Variants in COL25A1 observed in about 807,000 individuals in gnomAD.
COL25A1 encodes the protein collagen type XXV alpha 1 chain, also known as collagen alpha-1(XXV) chain.
In COL25A1, 103 loss-of-function variants were observed where a neutral mutation model predicts 128.4. The ratio of observed to expected loss-of-function variants is 0.80; its 90% CI spans 0.68 to 0.94. COL25A1 has a LOEUF of 0.94. Ranked by LOEUF, COL25A1 falls within the 40% of genes least tolerant of loss-of-function variation. The probability of loss-of-function intolerance (pLI) is 0.00; values close to 1 mark genes in which losing one functional copy is unlikely to be tolerated. For synonymous variants in COL25A1, 279 were observed against 277.2 expected, an observed-to-expected ratio of 1.01 and a Z score of -0.06; for missense variants, 745 against 840.0, an observed-to-expected ratio of 0.89 and a Z score of 1.40.
intron 3 of COL25A1, among the ~76,000 whole-genome samples, chr4:109,174,313 C>A (rs1773864265): frequency 6.6e-6 from 1 of 152,046 alleles, no homozygotes. Context: ...AATGGCCAAA[C>A]TGAAGCTCCC....
chr4:109,072,850 T>C (rs1325258014), intron 3 of COL25A1, among the ~76,000 whole-genome samples: 1 of 152,180 alleles, frequency 6.6e-6, no homozygotes, highest in South Asian at 2.1e-4. Flanking sequence ...TGCATAACTC[T>C]ACAGGGGGCC....
rs772939205 is a variant in COL25A1, at chr4:108,841,719, T to C, written c.1632A>G (p.Gly544=). Residue 544 remains glycine (G), a splice_region_variant and synonymous_variant, in exon 31 of 38, where the codon GGA becomes GGG. Transcript: ENST00000399132. The stretch of plus-strand genomic sequence containing the variant: ...CCTTTGGTCCAGGAAGTCCATGAGG[T>C]CCCTGAAAATGGAAAACAGAGCTTT... ...PGPHGPPGPM[G]PHGLPGPKGT... 6.2e-7 allele frequency: 1 copy of C among 1,610,972 alleles called. No individual in the cohort carries two copies. The highest frequency in any genetic ancestry group is 8.5e-7 in the Non-Finnish European group (1 of 1,177,374).
chr4:109,273,361 T>G (rs1390229016), intron 3 of COL25A1, among the ~76,000 whole-genome samples: 1 of 152,174 alleles, frequency 6.6e-6, no homozygotes, highest in Non-Finnish European at 1.5e-5. Flanking sequence ...AATTGAACAT[T>G]TTAATGTACC....
intron 13 of COL25A1, among the ~76,000 whole-genome samples, chr4:108,905,531 A>G (rs962013754): frequency 5.3e-5 from 8 of 150,462 alleles, no homozygotes. Context: ...AAAAATAAAA[A>G]TAAAAATAAT....
chr4:108,813,770 G>C lies in COL25A1; in HGVS notation c.*157C>G, dbSNP rs1160588005. 4 of 593,374 alleles carry C rather than the reference G, an allele frequency of 6.7e-6. No homozygotes were observed. In the Admixed American group the frequency reaches 1.3e-4, roughly 19 times the overall value. The allele number at this position is 593,374 out of a possible 1,614,324, so 36.8% of individuals were successfully genotyped here. ...ACAAATTGCCCAATTTCAGATGTAA[G>C]TGGAGTAAAAATGGACATGTATACT... On this transcript the variant is annotated 3_prime_UTR_variant, in exon 38 of 38. Transcript: ENST00000399132.
intron 20 of COL25A1, among the ~76,000 whole-genome samples, chr4:108,864,768 T>C (rs559877198): frequency 6.6e-6 from 1 of 152,340 alleles, no homozygotes; most frequent in Non-Finnish European, 1.5e-5. Context: ...GACTGTAGCA[T>C]GGATGAGTGC....
chr4:109,177,816 A>C (rs1774238692), intron 3 of COL25A1, among the ~76,000 whole-genome samples: 1 of 152,220 alleles, frequency 6.6e-6, no homozygotes, highest in African/African-American at 2.4e-5. Flanking sequence ...GCTCCAGTTA[A>C]ATTTGCGTTT....
At chr4:108,926,762 G>C (rs1432343998) in intron 11 of COL25A1, among the ~76,000 whole-genome samples, 1 of 151,628 alleles carries the variant, frequency 6.6e-6, no homozygotes. Flanking sequence ...GCCATGTTCT[G>C]CTTGGATGTT....
intron 18 of COL25A1, among the ~76,000 whole-genome samples, chr4:108,887,857 G>A (rs377597424): frequency 3.9e-4 from 59 of 152,040 alleles, no homozygotes; most frequent in African/African-American, 1.3e-3. Flanking sequence ...AGACTTTTTA[G>A]CAAAACACAG....
chr4:109,091,763 T>G (rs1018023067), intron 3 of COL25A1, among the ~76,000 whole-genome samples: 4 of 150,472 alleles, frequency 2.7e-5, no homozygotes, highest in Non-Finnish European at 5.9e-5. Context: ...TACAATACTG[T>G]AATCCTTAAC....
chr4:108,909,683 G>A (rs932606472), intron 13 of COL25A1, among the ~76,000 whole-genome samples: 6 of 152,158 alleles, frequency 3.9e-5, no homozygotes, highest in African/African-American at 1.4e-4. Flanking sequence ...ACGAAAGATA[G>A]CTAAATTGAC....
intron 3 of COL25A1, among the ~76,000 whole-genome samples, chr4:109,082,949 T>C (rs1763986346): frequency 6.6e-6 from 1 of 152,160 alleles, no homozygotes; most frequent in Admixed American, 6.5e-5. Flanking sequence ...AAGAATCTCA[T>C]TAAATATTAT....
intron 3 of COL25A1, among the ~76,000 whole-genome samples, chr4:109,243,820 T>C (rs966097894): frequency 4.6e-5 from 7 of 152,120 alleles, no homozygotes; most frequent in African/African-American, 1.7e-4. Flanking sequence ...AAGAGAGTTG[T>C]GGTGCTAATG....
At chr4:109,174,322 C>T (rs1429960905) in intron 3 of COL25A1, among the ~76,000 whole-genome samples, 1 of 151,896 alleles carries the variant, frequency 6.6e-6, no homozygotes. Context: ...ACTGAAGCTC[C>T]CCCTCCCCAT....
chr4:108,999,798 G>A (rs1755170484), intron 6 of COL25A1, among the ~76,000 whole-genome samples: 1 of 152,180 alleles, frequency 6.6e-6, no homozygotes, highest in Admixed American at 6.5e-5. Context: ...AAAAAAGGAT[G>A]AGTTCATGTC....
intron 5 of COL25A1, among the ~76,000 whole-genome samples, chr4:109,037,214 C>T (rs991601403): frequency 1.3e-5 from 2 of 152,212 alleles, no homozygotes; most frequent in African/African-American, 4.8e-5. Flanking sequence ...TGGGTTTCTA[C>T]TCTGCCTGCC....
rs556941067 is a variant in COL25A1, at chr4:109,302,107, A to T, written c.-56-32T>A. ...GGAAAGAAAAAGGTCGATTCCTCCA[A>T]AGTTCAGTCCCTGTGGCTGCACAAC... On this transcript the variant is annotated intron_variant, in intron 1 of 37. Coordinates refer to ENST00000399132, the MANE Select transcript of COL25A1 (RefSeq NM_198721.4). The T allele has an allele frequency of 2.8e-6, 4 of 1,442,692 alleles. No individual in the cohort carries two copies. In the South Asian group the frequency reaches 5.7e-5, roughly 21 times the overall value. 89.4% of individuals were successfully genotyped at this position (1,442,692 alleles called of 1,614,324 possible). A position where few individuals can be genotyped will look rare whatever the true frequency, so the allele number is the denominator to read the frequency against.
intron 32 of COL25A1, among the ~76,000 whole-genome samples, chr4:108,827,893 C>T (rs1361753079): frequency 1.3e-5 from 2 of 152,092 alleles, no homozygotes; most frequent in Non-Finnish European, 2.9e-5. Context: ...TTCCTACCCC[C>T]AGCTATATTT....
chr4:109,027,991 T>A (rs2125911325), intron 5 of COL25A1, among the ~76,000 whole-genome samples: 1 of 152,302 alleles, frequency 6.6e-6, no homozygotes, highest in South Asian at 2.1e-4. Flanking sequence ...GAGATATACA[T>A]TTGGGAGACT....
Sources: gnomAD v4.1 joint callset for allele counts (sites outside exome capture counted in the v4.1 genomes callset) on GRCh38, gnomAD v4.1.1 for gene constraint, MANE v1.5 for transcripts, NCBI Gene and HGNC (gene_info 2026-07-23, HGNC 2026-07-21) for gene names.